Variants in SRPK2 observed in about 807,000 individuals in gnomAD.
SRPK2 encodes SFRS protein kinase 2.
A neutral mutation model predicts 90.8 loss-of-function variants in SRPK2; 21 were observed. The ratio of observed to expected loss-of-function variants is 0.23; its 90% confidence interval spans 0.16 to 0.33. The LOEUF (loss-of-function observed/expected upper bound fraction) is 0.33, where lower values mean the gene tolerates loss of function less well. Ranked by LOEUF, SRPK2 falls within the 10% of genes least tolerant of loss-of-function variation. SRPK2 has a pLI of 1.00. For missense variants in SRPK2, 620 were observed against 869.0 expected, an observed-to-expected ratio of 0.71 and a Z score of 3.60; for synonymous variants, 288 against 311.1, an observed-to-expected ratio of 0.93 and a Z score of 0.78.
At chr7:105,231,943 G>A (rs1482787056) in intron 2 of SRPK2, among the ~76,000 whole-genome samples, 1 of 152,114 alleles carries the variant, frequency 6.6e-6, no homozygotes, top group Non-Finnish European at 1.5e-5. Context: ...CTGTAACCTT[G>A]AACTCCTGGG....
At chr7:105,323,993 G>A (rs917081618) in intron 2 of SRPK2, among the ~76,000 whole-genome samples, 2 of 131,746 alleles carry the variant, frequency 1.5e-5, no homozygotes, top group Non-Finnish European at 3.5e-5. Flanking sequence ...GTGTGTGTGT[G>A]TGTGTGTGTG....
At chr7:105,268,425 G>A (rs146155385) in intron 2 of SRPK2, among the ~76,000 whole-genome samples, 5 of 152,246 alleles carry the variant, frequency 3.3e-5, no homozygotes, top group African/African-American at 1.2e-4. Context: ...AATAACCTTC[G>A]TAATTCTGTA....
chr7:105,353,308 G>A (rs974856539), intron 2 of SRPK2, among the ~76,000 whole-genome samples: 4 of 152,048 alleles, frequency 2.6e-5, no homozygotes, highest in Non-Finnish European at 4.4e-5. Flanking sequence ...GAGAATAATA[G>A]TGCTGTTAGA....
intron 8 of SRPK2, among the ~76,000 whole-genome samples, 169 bp from the exon 9 acceptor site, chr7:105,145,477 C>T (rs911449819): frequency 2.6e-5 from 4 of 152,054 alleles, no homozygotes; most frequent in Non-Finnish European, 4.4e-5. Context: ...AAGTTTATGC[C>T]ACTGAAACAA....
At chr7:105,397,022 A>G (rs1232997518) in intron 1 of SRPK2, among the ~76,000 whole-genome samples, 2 of 151,620 alleles carry the variant, frequency 1.3e-5, no homozygotes, top group East Asian at 3.9e-4. Flanking sequence ...GTTTTTACTT[A>G]TTTTGTTTCT....
intron 11 of SRPK2, 22 bp downstream of exon 11, chr7:105,141,986 G>C (rs1803841715): frequency 1.3e-6 from 2 of 1,588,062 alleles, no homozygotes. Context: ...ATGGCAGACA[G>C]TTGATGGGAA....
chr7:105,245,828 C>A (rs1283419034), intron 2 of SRPK2, among the ~76,000 whole-genome samples: 2 of 152,182 alleles, frequency 1.3e-5, no homozygotes, highest in African/African-American at 4.8e-5. Context: ...AAGTGATCCT[C>A]CCACCTCAGC....
At chr7:105,340,198 T>C (rs1815586096) in intron 2 of SRPK2, among the ~76,000 whole-genome samples, 1 of 152,110 alleles carries the variant, frequency 6.6e-6, no homozygotes, top group Non-Finnish European at 1.5e-5. Flanking sequence ...AAGATGTATC[T>C]GTTTAAAATT....
intron 7 of SRPK2, among the ~76,000 whole-genome samples, chr7:105,149,397 C>G (rs1364711988): frequency 6.6e-6 from 1 of 152,120 alleles, no homozygotes; most frequent in Non-Finnish European, 1.5e-5. Flanking sequence ...GATTCTATTG[C>G]TCACGTGTTT....
At chr7:105,165,626 C>A (rs1021864665) in intron 6 of SRPK2, among the ~76,000 whole-genome samples, 2 of 152,128 alleles carry the variant, frequency 1.3e-5, no homozygotes, top group African/African-American at 4.8e-5. Context: ...TGTAAAAACA[C>A]ACTAATCAGC....
In SRPK2 at chr7:105,388,629, A is replaced by G. The variant is rs567077075; in HGVS notation, c.71+19T>C. ...CGGGGCGGGGGTGGGGAACGGGGAC[A>G]GGCGCAGCGTGGACTCACTTTTTCG... On this transcript the variant is annotated intron_variant, in intron 2 of 15. Transcript: ENST00000393651. 42 of 1,565,168 alleles carry G rather than the reference A, an allele frequency of 2.7e-5. No individual in the cohort carries two copies. The East Asian group carries it at 8.4e-4, about 31-fold the overall frequency.
At chr7:105,226,595 A>G (rs969395744) in intron 2 of SRPK2, among the ~76,000 whole-genome samples, 7 of 152,130 alleles carry the variant, frequency 4.6e-5, no homozygotes, top group Admixed American at 2.0e-4. Flanking sequence ...GCCAAAATTC[A>G]TGTTTTAAGA....
In SRPK2 at chr7:105,170,950, AG is replaced by A. The variant is rs1299362076; in HGVS notation, c.230-1686del. On this transcript the variant is annotated intron_variant, in intron 3 of 15. Transcript: ENST00000393651. ...AAAGAAAAAGGAAAGAAAGAAAGAA[AG>A]AAAGAAAGAAAGAAAGAGAAAGAAA... 7.8e-4 allele frequency among the ~76,000 whole-genome samples: 32 copies of A among 40,768 alleles called. 1 individual carries two copies. Among genetic ancestry groups the A allele is most frequent in the Non-Finnish European group, 1.5e-3 (21 of 13,972 alleles). 26.7% of individuals were successfully genotyped at this position (40,768 alleles called of 152,430 possible).
At chr7:105,219,155 C>A (rs970345429) in intron 2 of SRPK2, among the ~76,000 whole-genome samples, 3 of 152,058 alleles carry the variant, frequency 2.0e-5, no homozygotes, top group African/African-American at 7.2e-5. Flanking sequence ...CGCATACTTC[C>A]CACACTCCCA....
chr7:105,227,226 T>C (rs1208712951), intron 2 of SRPK2, among the ~76,000 whole-genome samples: 2 of 152,156 alleles, frequency 1.3e-5, no homozygotes, highest in Admixed American at 6.5e-5. Flanking sequence ...GTACAGGTAG[T>C]ATATGGTTAC....
intron 2 of SRPK2, among the ~76,000 whole-genome samples, chr7:105,276,274 T>C (rs1482725925): frequency 6.6e-6 from 1 of 151,736 alleles, no homozygotes; most frequent in East Asian, 2.0e-4. Flanking sequence ...AGACAGGGTC[T>C]CGCTATGTTG....
At chr7:105,249,889 T>G (rs1213030993) in intron 2 of SRPK2, among the ~76,000 whole-genome samples, 1 of 152,242 alleles carries the variant, frequency 6.6e-6, no homozygotes, top group Non-Finnish European at 1.5e-5. Context: ...TGGAGATTCC[T>G]CCTAATAATC....
chr7:105,250,316 G>T (rs1416414626), intron 2 of SRPK2, among the ~76,000 whole-genome samples: 1 of 151,772 alleles, frequency 6.6e-6, no homozygotes, highest in Non-Finnish European at 1.5e-5. Flanking sequence ...CTCCAGCCTG[G>T]GCAACGGGAG....
rs540681050 is a variant in SRPK2, at chr7:105,179,230, T to C, written c.230-9965A>G. On this transcript the variant is annotated intron_variant, in intron 3 of 15. Transcript: ENST00000393651. ...AGGGATGTCGATTTGAATATCAGCA[T>C]TGGCATTTACTACTATAACATTAAG... Among the ~76,000 whole-genome samples, 3 of 152,322 alleles carry C rather than the reference T, an allele frequency of 2.0e-5. No individual in the cohort carries two copies. In the South Asian group the frequency reaches 6.2e-4, roughly 32 times the overall value.
Sources: allele counts gnomAD v4.1 joint callset (sites outside exome capture counted in the v4.1 genomes callset), GRCh38; gene constraint gnomAD v4.1.1; transcripts MANE v1.5; gene names NCBI Gene and HGNC (gene_info 2026-07-23, HGNC 2026-07-21).